Variants in CHM observed in about 807,000 individuals in gnomAD.
CHM encodes the protein rab proteins geranylgeranyltransferase component A 1.
Under a neutral mutation model 49.0 loss-of-function variants are expected in CHM, and 10 were observed. That is an observed-to-expected ratio of 0.20 (90% CI 0.13 to 0.35). The LOEUF is 0.35. CHM is among the 10% of genes least tolerant of loss of function. CHM has a pLI of 1.00. For synonymous variants in CHM, 184 were observed against 167.5 expected (o/e 1.10, Z -0.76); for missense variants, 455 against 478.4 (o/e 0.95, Z 0.46).
At chrX:85,978,660 C>A (rs933031318) in intron 4 of CHM, 107 bp downstream of exon 4, 2 of 805,167 alleles carry the variant, frequency 2.5e-6, no homozygotes, top group Non-Finnish European at 3.6e-6. Flanking sequence ...AGCATATTAA[C>A]GTGACTTGTA....
At chrX:85,980,457 T>C (rs5923415) in intron 3 of CHM, among the ~76,000 whole-genome samples, 31,668 of 111,452 alleles carry the variant, frequency 0.28, 3,645 homozygotes, top group Admixed American at 0.39. Context: ...GCATCTTCAA[T>C]ATCAGTGTCT....
intron 2 of CHM, among the ~76,000 whole-genome samples, chrX:86,009,025 T>C (rs1276512512): frequency 8.9e-6 from 1 of 112,387 alleles, no homozygotes; most frequent in Non-Finnish European, 1.9e-5. Flanking sequence ...AAAACTTTCA[T>C]ATACTAATCC....
At chrX:86,045,575 T>C (rs1180540550) in intron 1 of CHM, among the ~76,000 whole-genome samples, 1 of 111,600 alleles carries the variant, frequency 9.0e-6, no homozygotes, top group Admixed American at 9.5e-5. Flanking sequence ...ATAAAATGAG[T>C]ATTTTTCCAA....
chrX:86,020,074 T>C (rs1187102438), intron 2 of CHM, among the ~76,000 whole-genome samples: 2 of 111,717 alleles, frequency 1.8e-5, no homozygotes, highest in Non-Finnish European at 3.8e-5. Context: ...AGTTTAATTC[T>C]TCTAATTTCA....
intron 1 of CHM, among the ~76,000 whole-genome samples, chrX:86,033,728 G>A (rs1934127578): frequency 9.0e-6 from 1 of 111,141 alleles, no homozygotes; most frequent in Non-Finnish European, 1.9e-5. Flanking sequence ...ACCATAAAAA[G>A]GGAAAAATTG....
At chrX:85,948,009 A>G (rs1929509975) in intron 8 of CHM, among the ~76,000 whole-genome samples, 1 of 112,019 alleles carries the variant, frequency 8.9e-6, no homozygotes, top group South Asian at 3.7e-4. Flanking sequence ...AATTATCTAG[A>G]AGGTTGACAG....
At chrX:85,925,454 A>C (rs1423951272) in intron 8 of CHM, among the ~76,000 whole-genome samples, 1 of 111,585 alleles carries the variant, frequency 9.0e-6, no homozygotes, top group Non-Finnish European at 1.9e-5. Flanking sequence ...CATCTTTATT[A>C]TCTGCCACAG....
chrX:85,915,461 C>A (rs1017162588), intron 8 of CHM, among the ~76,000 whole-genome samples: 1 of 111,580 alleles, frequency 9.0e-6, no homozygotes, highest in Non-Finnish European at 1.9e-5. Context: ...GGCAGTCAGG[C>A]AAGAGAAAGA....
intron 2 of CHM, among the ~76,000 whole-genome samples, chrX:86,012,900 C>T (rs1353130117): frequency 9.0e-6 from 1 of 111,212 alleles, no homozygotes; most frequent in Non-Finnish European, 1.9e-5. Flanking sequence ...GAAGTCAAAT[C>T]CACAGATCGG....
At chrX:85,926,075 T>C (rs535860957) in intron 8 of CHM, among the ~76,000 whole-genome samples, 1 of 110,752 alleles carries the variant, frequency 9.0e-6, no homozygotes. Flanking sequence ...GGAAGGTGGG[T>C]TGGAAGTGTG....
chrX:85,918,600 A>G (rs1228908824), intron 8 of CHM, among the ~76,000 whole-genome samples: 1 of 111,904 alleles, frequency 8.9e-6, no homozygotes, highest in African/African-American at 3.3e-5. Context: ...TAAAAGGCAC[A>G]AAGTGGCAAG....
In CHM at chrX:85,911,339, C is replaced by A; in HGVS notation, c.1167-1G>T. The stretch of plus-strand genomic sequence containing the variant: ...AATTCCACCAAACACAGCACACATC[C>A]TAGAAAGAGAACAGAAAAATAAGAA... On this transcript the variant is annotated splice_acceptor_variant, in intron 8 of 14. Coordinates refer to ENST00000357749, the MANE Select transcript of CHM (RefSeq NM_000390.4). LOFTEE classifies it high-confidence loss of function. The A allele has an allele frequency of 9.8e-7, 1 of 1,021,849 alleles. No individual in the cohort carries two copies. The highest frequency in any genetic ancestry group is 1.9e-5 in the South Asian group (1 of 53,108). 84.2% of individuals were successfully genotyped at this position (1,021,849 alleles called of 1,213,427 possible).
chrX:86,001,049 G>A (rs1377082105), intron 2 of CHM, among the ~76,000 whole-genome samples: 3 of 111,955 alleles, frequency 2.7e-5, no homozygotes, highest in Non-Finnish European at 5.6e-5. Context: ...CAATTAGCTT[G>A]ACTTGATCAT....
chrX:86,008,911 T>C (rs1932941497), intron 2 of CHM, among the ~76,000 whole-genome samples: 1 of 112,675 alleles, frequency 8.9e-6, no homozygotes, highest in Non-Finnish European at 1.9e-5. Context: ...ATAGTTTAGA[T>C]TGTTTTAAAA....
intron 13 of CHM, among the ~76,000 whole-genome samples, chrX:85,878,207 C>A (rs1924532330): frequency 8.9e-6 from 1 of 112,114 alleles, no homozygotes; most frequent in Non-Finnish European, 1.9e-5. Context: ...AGGCTGGATG[C>A]AGTGGCTCAC....
chrX:85,905,845 C>A (rs1471418398), intron 9 of CHM, among the ~76,000 whole-genome samples: 1 of 110,959 alleles, frequency 9.0e-6, no homozygotes, highest in Non-Finnish European at 1.9e-5. Flanking sequence ...AGAGTCTCAC[C>A]CGTCATATGT....
At chrX:86,009,387 T>G (rs1419584798) in intron 2 of CHM, among the ~76,000 whole-genome samples, 1 of 112,194 alleles carries the variant, frequency 8.9e-6, no homozygotes, top group African/African-American at 3.2e-5. Context: ...GAGTACCTAC[T>G]ATGTGCCAAC....
chrX:85,923,431 T>C (rs1443146722), intron 8 of CHM, among the ~76,000 whole-genome samples: 1 of 112,194 alleles, frequency 8.9e-6, no homozygotes, highest in Non-Finnish European at 1.9e-5. Context: ...CCTCCAGGTG[T>C]TCAAGCCCTG....
In CHM at chrX:85,894,210, C is replaced by A. The variant is rs74349919; in HGVS notation, c.1488G>T (p.Thr496=). The change falls in exon 12 of 15, where the codon ACG becomes ACT. Residue 496 remains threonine (T), a synonymous_variant. Transcript: ENST00000357749. ...AVRVIELCSS[T]MTCMKGTYLV... ...TACAGGTGCCTTTCATGCATGTCAT[C>A]GTTGAAGAACATAACTCAATGACCC... 1 of 1,206,638 alleles carries A rather than the reference C, an allele frequency of 8.3e-7. No individual in the cohort carries two copies. The highest frequency in any genetic ancestry group is 1.1e-6 in the Non-Finnish European group (1 of 892,471).
Sources: allele counts gnomAD v4.1 joint callset (sites outside exome capture counted in the v4.1 genomes callset), GRCh38; gene constraint gnomAD v4.1.1; transcripts MANE v1.5; gene names NCBI Gene and HGNC (gene_info 2026-07-23, HGNC 2026-07-21).